ZFHX3: variants seen among roughly 807,000 people sequenced by gnomAD.
The protein encoded by ZFHX3 is zinc finger homeobox 3.
A neutral mutation model predicts 279.1 loss-of-function variants in ZFHX3; 42 were observed. That is an observed-to-expected ratio of 0.15 (90% CI 0.12 to 0.19). The LOEUF (loss-of-function observed/expected upper bound fraction) is 0.19. ZFHX3 is among the 10% of genes least tolerant of loss of function. The pLI, the probability that ZFHX3 is intolerant of heterozygous loss-of-function variation, is 1.00. For synonymous variants in ZFHX3, 2,293 were observed against 1,957.8 expected, an observed-to-expected ratio of 1.17 and a Z score of -4.52; for missense variants, 4,981 against 4,754.0, an observed-to-expected ratio of 1.05 and a Z score of -1.40.
At chr16:73,146,229 A>C (rs568600673) in intron 5 of ZFHX3, among the ~76,000 whole-genome samples, 1 of 152,254 alleles carries the variant, frequency 6.6e-6, no homozygotes, top group South Asian at 2.1e-4. Context: ...AGAGATTGAG[A>C]TCATCCTGGC....
At chr16:73,616,409 G>A (rs1365666084) in intron 2 of ZFHX3, among the ~76,000 whole-genome samples, 2 of 135,246 alleles carry the variant, frequency 1.5e-5, no homozygotes, top group African/African-American at 2.9e-5. Context: ...TCTAATAGCA[G>A]TAATTGGCAA....
chr16:73,226,974 G>A (rs984519284), intron 5 of ZFHX3, among the ~76,000 whole-genome samples: 2 of 152,116 alleles, frequency 1.3e-5, no homozygotes, highest in Admixed American at 6.5e-5. Context: ...TGAATTTACC[G>A]ATATTTTATG....
intron 1 of ZFHX3, among the ~76,000 whole-genome samples, chr16:73,883,473 TCA>T (rs940801054): frequency 5.9e-5 from 9 of 151,558 alleles, no homozygotes; most frequent in South Asian, 4.2e-4. Flanking sequence ...ATACATACAA[TCA>T]CACACACGCA....
At chr16:73,432,923 C>G (rs553790623) in intron 3 of ZFHX3, among the ~76,000 whole-genome samples, 1 of 152,326 alleles carries the variant, frequency 6.6e-6, no homozygotes, top group South Asian at 2.1e-4. Context: ...ATTAAAAACA[C>G]TGATCATTGC....
chr16:72,853,947 AG>A (rs2037682750), intron 4 of ZFHX3, among the ~76,000 whole-genome samples: 1 of 151,654 alleles, frequency 6.6e-6, no homozygotes, highest in Non-Finnish European at 1.5e-5. Context: ...AGCATCCTTG[AG>A]AAGGAAAAAA....
chr16:73,057,211 G>A (rs971107008), intron 1 of ZFHX3, among the ~76,000 whole-genome samples: 8 of 152,192 alleles, frequency 5.3e-5, no homozygotes, highest in African/African-American at 1.7e-4. Flanking sequence ...GAAAGCGCTT[G>A]TAATCAAAGA....
intron 1 of ZFHX3, among the ~76,000 whole-genome samples, chr16:73,731,288 T>C (rs1212632317): frequency 6.6e-6 from 1 of 152,132 alleles, no homozygotes; most frequent in East Asian, 1.9e-4. Context: ...CACATTTCAA[T>C]AGAGTCAACA....
At position 73,596,727 on chromosome 16, in the gene ZFHX3, G is replaced by A. The variant is rs535388825; in HGVS notation, c.-1547+83453C>T. 3.4e-4 allele frequency among the ~76,000 whole-genome samples: 51 copies of A among 152,186 alleles called. 1 individual carries two copies. The highest frequency in any genetic ancestry group is 1.1e-3 in the African/African-American group (46 of 41,518). On this transcript the variant is annotated intron_variant, in intron 2 of 17. Coordinates refer to the ZFHX3 transcript ENST00000641206. ...CGTTCAATCATGACACTCAACTTCC[G>A]TGATCTATTACTCTATCTTCTCTAC...
intron 5 of ZFHX3, among the ~76,000 whole-genome samples, chr16:73,246,536 T>G (rs936293036): frequency 1.3e-5 from 2 of 152,158 alleles, no homozygotes; most frequent in Non-Finnish European, 2.9e-5. Context: ...AGCTGTCTCC[T>G]CCATGACCAT....
intron 4 of ZFHX3, among the ~76,000 whole-genome samples, chr16:73,283,262 T>C (rs1567439330): frequency 6.6e-6 from 1 of 152,224 alleles, no homozygotes; most frequent in Non-Finnish European, 1.5e-5. Context: ...TATTGCTTTC[T>C]GAGGTCATTG....
At chr16:73,188,546 G>T (rs1299249786) in intron 5 of ZFHX3, among the ~76,000 whole-genome samples, 1 of 152,172 alleles carries the variant, frequency 6.6e-6, no homozygotes, top group Non-Finnish European at 1.5e-5. Flanking sequence ...GGGGAAACAG[G>T]GACAAAGAGA....
chr16:73,496,108 A>G (rs765959432), intron 2 of ZFHX3, among the ~76,000 whole-genome samples: 23 of 152,228 alleles, frequency 1.5e-4, no homozygotes, highest in Non-Finnish European at 2.9e-4. Flanking sequence ...ATAAATCCTA[A>G]AGTAAGGTGC....
intron 3 of ZFHX3, among the ~76,000 whole-genome samples, chr16:73,348,431 T>C (rs1478178562): frequency 6.6e-6 from 1 of 152,158 alleles, no homozygotes; most frequent in Admixed American, 6.5e-5. Context: ...CCAGCCTCCA[T>C]CCTCTTCAGA....
At chr16:72,912,364 T>C (rs1041011210) in intron 3 of ZFHX3, among the ~76,000 whole-genome samples, 1 of 152,176 alleles carries the variant, frequency 6.6e-6, no homozygotes. Flanking sequence ...GCAGTGGCAA[T>C]ATAAATGGGA....
At chr16:73,809,352 G>T (rs950977239) in intron 1 of ZFHX3, 4 of 152,210 alleles carry the variant, frequency 2.6e-5, no homozygotes, top group African/African-American at 7.2e-5. Flanking sequence ...ACCCAGGGAG[G>T]TGCCACTGTG....
In ZFHX3 at chr16:72,829,889, T is replaced by C. The variant is rs1221450013; in HGVS notation, c.3449-30A>G. The C allele has an allele frequency of 2.2e-5, 35 of 1,612,736 alleles. No homozygotes were observed. The Admixed American group carries it at 5.7e-4, about 26-fold the overall frequency. On this transcript the variant is annotated intron_variant, in intron 4 of 9. Coordinates refer to ENST00000268489, the MANE Select transcript of ZFHX3 (RefSeq NM_006885.4). ...AACAGAAGAAAAACATGTCAAGGGT[T>C]AAAAATAAAAAGAAGATGAAGGACT...
chr16:72,962,424 C>T (rs1961624114), intron 1 of ZFHX3, among the ~76,000 whole-genome samples: 1 of 152,222 alleles, frequency 6.6e-6, no homozygotes, highest in South Asian at 2.1e-4. Flanking sequence ...ACTGTACCCA[C>T]CTATGATGGT....
intron 5 of ZFHX3, chr16:73,233,815 G>A (rs1293122165): frequency 1.3e-5 from 2 of 152,188 alleles, no homozygotes; most frequent in Non-Finnish European, 2.9e-5. Flanking sequence ...GGACTGGAAG[G>A]TCACCCTTTT....
intron 3 of ZFHX3, among the ~76,000 whole-genome samples, chr16:72,926,139 TAAC>T (rs1959436300): frequency 6.6e-6 from 1 of 152,226 alleles, no homozygotes; most frequent in Non-Finnish European, 1.5e-5. Flanking sequence ...TTTAAAAACT[TAAC>T]AAGGAATAAT....
Sources: gnomAD v4.1 joint callset for allele counts (sites outside exome capture counted in the v4.1 genomes callset) on GRCh38, gnomAD v4.1.1 for gene constraint, MANE v1.5 for transcripts, NCBI Gene and HGNC (gene_info 2026-07-23, HGNC 2026-07-21) for gene names.